The following TLL2 variants were observed in gnomAD, a reference collection of about 807,000 sequenced individuals.
TLL2 encodes tolloid like 2.
A neutral mutation model predicts 123.0 loss-of-function variants in TLL2; 106 were observed. The ratio of observed to expected loss-of-function variants is 0.86; its 90% CI spans 0.74 to 1.01. TLL2 has a LOEUF of 1.01. Among genes scored for constraint, TLL2 ranks in the 50% least tolerant of loss-of-function variants. The pLI, the probability that TLL2 is intolerant of heterozygous loss-of-function variation, is 0.00. For missense variants in TLL2, 1,332 were observed against 1,336.7 expected (o/e 1.00, Z 0.06); for synonymous variants, 494 against 516.8 (o/e 0.96, Z 0.60).
chr10:96,433,057 G>A (rs1477613740), intron 3 of TLL2, 95 bp from the exon 4 acceptor site: 3 of 1,494,988 alleles, frequency 2.0e-6, no homozygotes, highest in African/African-American at 2.8e-5. Flanking sequence ...AAAAGGGGGT[G>A]TTAAAACATG....
chr10:96,459,367 A>C (rs1406728638), intron 2 of TLL2, among the ~76,000 whole-genome samples: 1 of 151,974 alleles, frequency 6.6e-6, no homozygotes, highest in Admixed American at 6.6e-5. Context: ...AGTTGCTCAC[A>C]CCTGTAATCC....
At chr10:96,392,170 C>A (rs1377287653) in intron 13 of TLL2, among the ~76,000 whole-genome samples, 1 of 152,122 alleles carries the variant, frequency 6.6e-6, no homozygotes, top group Non-Finnish European at 1.5e-5. Flanking sequence ...GAGAAGGTGG[C>A]GTCTTCTAAC....
chr10:96,382,159 G>A (rs1564894885), intron 16 of TLL2, among the ~76,000 whole-genome samples: 1 of 152,152 alleles, frequency 6.6e-6, no homozygotes, highest in Non-Finnish European at 1.5e-5. Context: ...AGCCTCCCGA[G>A]TAGCTGGGAC....
intron 7 of TLL2, among the ~76,000 whole-genome samples, chr10:96,417,700 T>G (rs1846577461): frequency 6.6e-6 from 1 of 152,090 alleles, no homozygotes; most frequent in African/African-American, 2.4e-5. Flanking sequence ...TACTGGAGGA[T>G]GAGACGCCAC....
chr10:96,449,268 C>T (rs1564909506), intron 2 of TLL2, among the ~76,000 whole-genome samples: 1 of 152,162 alleles, frequency 6.6e-6, no homozygotes, highest in Non-Finnish European at 1.5e-5. Flanking sequence ...TGTCTGACCC[C>T]CAAGCCTGTA....
At chr10:96,491,116 T>C (rs2134109303) in intron 1 of TLL2, among the ~76,000 whole-genome samples, 1 of 152,206 alleles carries the variant, frequency 6.6e-6, no homozygotes, top group East Asian at 1.9e-4. Context: ...CGCGGTGGCT[T>C]TCGCCTATAA....
rs759063155 is a variant in TLL2 at position 96,373,698 on chromosome 10, T to G, written c.2560A>C (p.Lys854Gln). The stretch of plus-strand genomic sequence containing the variant: ...GAAGCCACCGTGGGGTCTGGTTTCT[T>G]GCTGCCGCAGAAACGGCCCAGAATG... ...APILGRFCGSKKPDPTVASGS... is the reference protein window; with the variant it reads ...APILGRFCGSQKPDPTVASGS... Residue 854 changes from lysine to glutamine, a missense_variant, in exon 19 of 21, where the codon AAG (lysine) becomes CAG (glutamine). Transcript: ENST00000357947. 1 of 1,614,252 alleles carries G rather than the reference T, an allele frequency of 6.2e-7. No homozygotes were observed. The highest frequency in any genetic ancestry group is 2.2e-5 in the East Asian group (1 of 44,890).
At chr10:96,390,553 G>A (rs11596803) in intron 13 of TLL2, among the ~76,000 whole-genome samples, 57,809 of 152,200 alleles carry the variant, frequency 0.38, 12,536 homozygotes, top group Non-Finnish European at 0.5. Flanking sequence ...AGGATCAGGC[G>A]CCAGCTGGGC....
Position 96,367,728 on chromosome 10 carries a change from G to T in TLL2, c.*360C>A, listed in dbSNP as rs1290808542. On this transcript the variant is annotated 3_prime_UTR_variant, in exon 21 of 21. Transcript: ENST00000357947. ...CCTGGCACCTTTGCAAGCAAGTCCAGATTAGAGGAACGGCCAACCCCAAGG... is the reference window on the plus strand; with the variant it reads ...CCTGGCACCTTTGCAAGCAAGTCCATATTAGAGGAACGGCCAACCCCAAGG... 1.0e-5 allele frequency: 2 copies of T among 198,766 alleles called. No homozygotes were observed. The highest frequency in any genetic ancestry group is 2.1e-5 in the Non-Finnish European group (2 of 95,190). The allele number at this position is 198,766 out of a possible 1,614,324, so 12.3% of individuals were successfully genotyped here.
rs547077261 is a variant in TLL2 at position 96,370,289 on chromosome 10, C to T, written c.2689G>A (p.Val897Met). Residue 897 changes from valine to methionine, a missense_variant, in exon 20 of 21, where the codon GTG (valine) becomes ATG (methionine). Val to Met is a conservative substitution (Grantham distance 21). Transcript: ENST00000357947. Reference sequence around the variant, plus strand: ...TGGGAATAGAGCTCTTTGGTCTGCACTTCAGCCTTCAGCCTGCCCCCGCAC... The same window carrying T: ...TGGGAATAGAGCTCTTTGGTCTGCATTTCAGCCTTCAGCCTGCCCCCGCAC... ...TECGGRLKAE[V>M]QTKELYSHAQ... 27 of 1,590,478 alleles carry T rather than the reference C, an allele frequency of 1.7e-5. No individual in the cohort carries two copies. The South Asian group carries it at 2.1e-4, about 12-fold the overall frequency.
Position 96,513,538 on chromosome 10 carries a change from C to G in TLL2, c.148G>C (p.Glu50Gln). ...GCTTTGCAAGGGTCGTGGTAATGCT[C>G]CAGCTGCTGCTCCGTGCCCTCCTCG... ...DGEEGTEQQL[E>Q]HYHDPCKAAV... Residue 50 changes from glutamate (E) to glutamine (Q), a missense_variant, in exon 1 of 21, where the codon GAG (glutamate) becomes CAG (glutamine). Glu to Gln is a conservative substitution (Grantham distance 29). Coordinates refer to ENST00000357947, the MANE Select transcript of TLL2 (RefSeq NM_012465.4). 1 of 1,612,642 alleles carries G rather than the reference C, an allele frequency of 6.2e-7. No homozygotes were observed. Among genetic ancestry groups the G allele is most frequent in the Non-Finnish European group, 8.5e-7 (1 of 1,179,822 alleles).
At chr10:96,396,046 A>G (rs1165572590) in intron 11 of TLL2, 26 bp from the exon 12 acceptor site, 2 of 1,612,328 alleles carry the variant, frequency 1.2e-6, no homozygotes, top group Non-Finnish European at 1.7e-6. Flanking sequence ...TCAGGAGAGG[A>G]AGACGGGGGC....
intron 2 of TLL2, among the ~76,000 whole-genome samples, chr10:96,459,137 G>A (rs1271667671): frequency 6.6e-6 from 1 of 152,170 alleles, no homozygotes. Context: ...TGCTATGAAT[G>A]TGTCATTTTC....
chr10:96,426,670 T>C (rs1341150848), intron 5 of TLL2, among the ~76,000 whole-genome samples: 1 of 152,222 alleles, frequency 6.6e-6, no homozygotes, highest in Non-Finnish European at 1.5e-5. Flanking sequence ...CCTAGAGTTT[T>C]GCAAACTACT....
At position 96,384,785 on chromosome 10, in the gene TLL2, G is replaced by T; in HGVS notation, c.2014-18C>A. 1 of 1,556,284 alleles carries T rather than the reference G, an allele frequency of 6.4e-7. No individual in the cohort carries two copies. Among genetic ancestry groups the T allele is most frequent in the South Asian group, 1.2e-5 (1 of 83,752 alleles). On this transcript the variant is annotated intron_variant, in intron 15 of 20. Coordinates refer to ENST00000357947, the MANE Select transcript of TLL2 (RefSeq NM_012465.4). ...TTACAGACCTGCAAGGGAGCATGAT[G>T]GGGAGCTTCCCAGAGTCCCTGTCCC...
intron 5 of TLL2, among the ~76,000 whole-genome samples, chr10:96,426,919 T>G (rs1225703923): frequency 6.6e-6 from 1 of 152,136 alleles, no homozygotes; most frequent in Non-Finnish European, 1.5e-5. Context: ...TGGTGGGTTG[T>G]AAGTATTTAT....
chr10:96,448,561 G>A (rs1165924566), intron 2 of TLL2, among the ~76,000 whole-genome samples: 1 of 152,126 alleles, frequency 6.6e-6, no homozygotes, highest in Non-Finnish European at 1.5e-5. Flanking sequence ...CAGGCCAGAC[G>A]CTGTGTCTGC....
chr10:96,513,383 G>C (rs566094180), intron 1 of TLL2, 128 bp downstream of exon 1: 5 of 1,193,352 alleles, frequency 4.2e-6, no homozygotes, highest in Non-Finnish European at 4.7e-6. Context: ...TTGTCTTCCG[G>C]GGGAGCCGGG....
intron 2 of TLL2, among the ~76,000 whole-genome samples, chr10:96,466,049 G>T (rs982674192): frequency 6.6e-6 from 1 of 152,218 alleles, no homozygotes; most frequent in Non-Finnish European, 1.5e-5. Context: ...TCGCTTGAAG[G>T]GGAATGGGAA....
Sources: gnomAD v4.1 joint callset for allele counts (sites outside exome capture counted in the v4.1 genomes callset) on GRCh38, gnomAD v4.1.1 for gene constraint, MANE v1.5 for transcripts, NCBI Gene and HGNC (gene_info 2026-07-23, HGNC 2026-07-21) for gene names.